Variants in CNTNAP5 observed in about 807,000 individuals in gnomAD.
CNTNAP5 encodes the protein contactin associated protein family member 5.
A neutral mutation model predicts 150.2 loss-of-function variants in CNTNAP5; 72 were observed. The ratio of observed to expected loss-of-function variants is 0.48; its 90% CI spans 0.40 to 0.58. The LOEUF is 0.58. Among genes scored for constraint, CNTNAP5 ranks in the 20% least tolerant of loss-of-function variants. CNTNAP5 has a pLI of 0.00. For missense variants in CNTNAP5, 1,636 were observed against 1,626.2 expected, an observed-to-expected ratio of 1.01 and a Z score of -0.10; for synonymous variants, 672 against 619.8, an observed-to-expected ratio of 1.08 and a Z score of -1.25.
chr2:124,442,199 A>G (rs1205015521), intron 5 of CNTNAP5, among the ~76,000 whole-genome samples: 3 of 152,186 alleles, frequency 2.0e-5, no homozygotes, highest in Non-Finnish European at 4.4e-5. Context: ...GGGTAAAGGT[A>G]AAGTTACTGA....
intron 19 of CNTNAP5, among the ~76,000 whole-genome samples, chr2:124,846,303 A>C (rs1308192685): frequency 2.0e-5 from 3 of 152,000 alleles, no homozygotes; most frequent in African/African-American, 7.2e-5. Flanking sequence ...TCTTTGTTGA[A>C]TTGGGTTAAT....
At chr2:124,099,054 C>T (rs1683004696) in intron 1 of CNTNAP5, among the ~76,000 whole-genome samples, 1 of 152,132 alleles carries the variant, frequency 6.6e-6, no homozygotes, top group African/African-American at 2.4e-5. Flanking sequence ...GCTCAAGGAC[C>T]TTCGTAACAC....
intron 1 of CNTNAP5, among the ~76,000 whole-genome samples, chr2:124,133,159 T>C (rs1283350924): frequency 6.6e-6 from 1 of 152,108 alleles, no homozygotes; most frequent in Non-Finnish European, 1.5e-5. Context: ...AAAAAGGTAG[T>C]TGAGATTCAG....
intron 3 of CNTNAP5, among the ~76,000 whole-genome samples, chr2:124,359,610 C>T (rs1273955507): frequency 2.4e-4 from 31 of 129,004 alleles, no homozygotes; most frequent in East Asian, 6.9e-4. Flanking sequence ...TGTAGTTGAG[C>T]GGTTTTGAGT....
chr2:124,772,530 A>G (rs1263157860), intron 16 of CNTNAP5, among the ~76,000 whole-genome samples: 1 of 152,124 alleles, frequency 6.6e-6, no homozygotes, highest in Non-Finnish European at 1.5e-5. Context: ...CTCGGCATTC[A>G]TGCAGGTATA....
intron 10 of CNTNAP5, among the ~76,000 whole-genome samples, chr2:124,546,795 CA>C: frequency 6.6e-6 from 1 of 152,154 alleles, no homozygotes; most frequent in East Asian, 1.9e-4. Flanking sequence ...AACAAATTTT[CA>C]GCCTGCATTT....
chr2:124,333,640 G>A (rs969399410), intron 3 of CNTNAP5, among the ~76,000 whole-genome samples: 1 of 152,080 alleles, frequency 6.6e-6, no homozygotes, highest in Non-Finnish European at 1.5e-5. Context: ...AATATAAGAA[G>A]GTTGTAGTTC....
intron 13 of CNTNAP5, among the ~76,000 whole-genome samples, chr2:124,715,345 C>T (rs935408060): frequency 6.6e-6 from 1 of 152,102 alleles, no homozygotes; most frequent in African/African-American, 2.4e-5. Context: ...ACATCTTGAA[C>T]ACCATATATT....
chr2:124,485,970 A>C (rs1035097286), intron 7 of CNTNAP5, among the ~76,000 whole-genome samples: 2 of 152,206 alleles, frequency 1.3e-5, no homozygotes, highest in Non-Finnish European at 2.9e-5. Flanking sequence ...TACCCAGAGG[A>C]AAATAAGTCC....
intron 1 of CNTNAP5, among the ~76,000 whole-genome samples, chr2:124,161,593 T>A (rs531693528): frequency 1.3e-5 from 2 of 152,198 alleles, no homozygotes; most frequent in African/African-American, 2.4e-5. Flanking sequence ...AATACACTGA[T>A]ATATTACTTA....
intron 10 of CNTNAP5, among the ~76,000 whole-genome samples, chr2:124,534,578 A>G (rs1252423200): frequency 3.3e-5 from 5 of 152,138 alleles, no homozygotes; most frequent in African/African-American, 1.2e-4. Flanking sequence ...TCTCCCACAC[A>G]CATTCATTTA....
At position 124,920,045 on chromosome 2, in the gene CNTNAP5, A is replaced by G. The variant is rs1195379273; in HGVS notation, c.*5757A>G. 6.6e-6 allele frequency among the ~76,000 whole-genome samples: 1 copy of G among 152,096 alleles called. No individual in the cohort carries two copies. Among genetic ancestry groups the G allele is most frequent in the Non-Finnish European group, 1.5e-5 (1 of 68,016 alleles). On this transcript the variant is annotated 3_prime_UTR_variant, in exon 24 of 24. Transcript: ENST00000682447. ...GCCCTGACAACGAGTACCGCCAGGG[A>G]CCTACCATCTAACACCATCTGGGAA...
At chr2:124,138,963 C>A (rs1684040406) in intron 1 of CNTNAP5, among the ~76,000 whole-genome samples, 1 of 152,078 alleles carries the variant, frequency 6.6e-6, no homozygotes, top group African/African-American at 2.4e-5. Context: ...CTTGGCCTAA[C>A]TATTATTAGC....
intron 13 of CNTNAP5, among the ~76,000 whole-genome samples, chr2:124,685,739 A>AGTGTGTGTGTGTGT (rs374079431): frequency 3.1e-5 from 4 of 130,692 alleles, no homozygotes; most frequent in African/African-American, 1.1e-4. Context: ...ATCTAAAGTA[A>AGTGTGTGTGTGTGT]GTGTGTGTGT....
chr2:124,361,252 GA>G (rs1256659580), intron 3 of CNTNAP5, among the ~76,000 whole-genome samples: 1 of 143,400 alleles, frequency 7.0e-6, no homozygotes, highest in Non-Finnish European at 1.5e-5. Context: ...CCTTTGGTTT[GA>G]ATGTCCTCCC....
intron 17 of CNTNAP5, among the ~76,000 whole-genome samples, chr2:124,774,255 T>C (rs530853057): frequency 1.4e-4 from 22 of 152,192 alleles, no homozygotes; most frequent in African/African-American, 5.3e-4. Context: ...GCTTTACTGC[T>C]AGTGATGAAA....
intron 8 of CNTNAP5, among the ~76,000 whole-genome samples, chr2:124,512,910 A>C (rs781030306): frequency 1.3e-5 from 2 of 152,208 alleles, no homozygotes; most frequent in African/African-American, 4.8e-5. Context: ...TACATTAAAT[A>C]AAATATGTCA....
At chr2:124,206,557 A>G (rs1484005681) in intron 1 of CNTNAP5, among the ~76,000 whole-genome samples, 1 of 152,076 alleles carries the variant, frequency 6.6e-6, no homozygotes, top group Admixed American at 6.6e-5. Flanking sequence ...TGGAGGTCTG[A>G]GTGGGCCAGT....
At chr2:124,495,436 A>G (rs1694120276) in intron 7 of CNTNAP5, among the ~76,000 whole-genome samples, 1 of 152,226 alleles carries the variant, frequency 6.6e-6, no homozygotes, top group South Asian at 2.1e-4. Flanking sequence ...AGCAAAGACA[A>G]GAGACCATCT....
Sources: allele counts gnomAD v4.1 joint callset (sites outside exome capture counted in the v4.1 genomes callset), GRCh38; gene constraint gnomAD v4.1.1; transcripts MANE v1.5; gene names NCBI Gene and HGNC (gene_info 2026-07-23, HGNC 2026-07-21).